CDH13: variants seen among roughly 807,000 people sequenced by gnomAD.
The protein encoded by CDH13 is cadherin-13.
In CDH13, 24 loss-of-function variants were observed where a neutral mutation model predicts 63.8. The observed-to-expected ratio is 0.38, with a 90% CI of 0.27 to 0.53. The LOEUF is 0.53. CDH13 is among the 20% of genes least tolerant of loss of function. CDH13 has a pLI of 0.85. For missense variants in CDH13, 1,049 were observed against 903.1 expected (o/e 1.16, Z -2.07); for synonymous variants, 503 against 355.3 (o/e 1.42, Z -4.67).
chr16:83,398,682 A>G (rs2091923726), intron 6 of CDH13, among the ~76,000 whole-genome samples: 1 of 152,188 alleles, frequency 6.6e-6, no homozygotes, highest in African/African-American at 2.4e-5. Flanking sequence ...TAACATGTTC[A>G]CAGTTGATGC....
chr16:82,693,188 C>T lies in CDH13; in HGVS notation c.45+66051C>T, dbSNP rs570950703. ...AGATGAGACCCCAGACCTGGATGATCCTTTGAAGCCTTTTGAAGCACCTTG... is the reference window on the plus strand; with the variant it reads ...AGATGAGACCCCAGACCTGGATGATTCTTTGAAGCCTTTTGAAGCACCTTG... On this transcript the variant is annotated intron_variant, in intron 1 of 13. Transcript: ENST00000567109. 5.9e-5 allele frequency among the ~76,000 whole-genome samples: 9 copies of T among 152,238 alleles called. No individual in the cohort carries two copies. The East Asian group carries it at 1.7e-3, about 29-fold the overall frequency.
chr16:82,954,279 A>G (rs988550191), intron 2 of CDH13: 1 of 152,104 alleles, frequency 6.6e-6, no homozygotes, highest in Non-Finnish European at 1.5e-5. Flanking sequence ...CTTTCAGGGA[A>G]GTCGACTTCC....
At chr16:83,177,389 G>T (rs1264457091) in intron 4 of CDH13, among the ~76,000 whole-genome samples, 2 of 152,166 alleles carry the variant, frequency 1.3e-5, no homozygotes, top group East Asian at 3.8e-4. Context: ...GCACAAAGGG[G>T]ACCCTCAATG....
In CDH13 at chr16:82,867,203, A is replaced by T. The variant is rs1048218911; in HGVS notation, c.157+8730A>T. 7.2e-5 allele frequency among the ~76,000 whole-genome samples: 11 copies of T among 152,266 alleles called. No individual in the cohort carries two copies. The East Asian group carries it at 2.1e-3, about 29-fold the overall frequency. On this transcript the variant is annotated intron_variant, in intron 2 of 13. Coordinates refer to ENST00000567109, the MANE Select transcript of CDH13 (RefSeq NM_001257.5). ...TGAACCTGAGATCATACTGCTTATA[A>T]TTGGTGGTGTCAAAATTTGAACCCA...
intron 11 of CDH13, among the ~76,000 whole-genome samples, chr16:83,767,604 C>T (rs1914482462): frequency 6.6e-6 from 1 of 152,168 alleles, no homozygotes; most frequent in Non-Finnish European, 1.5e-5. Context: ...ACTCCAATGT[C>T]CATCAGCTGG....
intron 2 of CDH13, among the ~76,000 whole-genome samples, chr16:83,010,982 C>G (rs531523698): frequency 9.9e-5 from 15 of 152,172 alleles, no homozygotes; most frequent in Non-Finnish European, 1.8e-4. Context: ...ACTTCTAATG[C>G]GTAGAACATG....
At chr16:83,643,881 T>C (rs1431765866) in intron 8 of CDH13, among the ~76,000 whole-genome samples, 2 of 152,240 alleles carry the variant, frequency 1.3e-5, no homozygotes, top group East Asian at 3.8e-4. Context: ...TACAGCCACC[T>C]ACCCACGCTT....
intron 3 of CDH13, among the ~76,000 whole-genome samples, chr16:83,043,671 C>T (rs1324649089): frequency 3.3e-5 from 5 of 152,060 alleles, no homozygotes; most frequent in Non-Finnish European, 7.4e-5. Flanking sequence ...CCAGCCTGGC[C>T]AGGATGGTGA....
intron 1 of CDH13, among the ~76,000 whole-genome samples, chr16:82,715,814 C>G (rs1313707213): frequency 3.9e-5 from 6 of 152,210 alleles, no homozygotes; most frequent in Non-Finnish European, 8.8e-5. Flanking sequence ...AGTCTCACCT[C>G]ATTCCTACCT....
rs775320530 is a variant in CDH13, at chr16:83,780,081, C to T, written c.1795C>T (p.Leu599Phe). The part of the protein sequence containing the change: ...VAEVCDDAKN[L>F]SVVILGASDK... ...TGAAGTCTGTGATGATGCCAAAAAC[C>T]TCAGTGTAGTCATTTTGGGAGCATC... is the stretch of plus-strand genomic sequence containing the variant. Residue 599 changes from leucine (L) to phenylalanine (F), a missense_variant, in exon 12 of 14, where the codon CTC (leucine) becomes TTC (phenylalanine). Transcript: ENST00000567109. 2 of 1,613,846 alleles carry T rather than the reference C, an allele frequency of 1.2e-6. No individual in the cohort carries two copies. Among genetic ancestry groups the T allele is most frequent in the Non-Finnish European group, 1.7e-6 (2 of 1,179,798 alleles).
intron 10 of CDH13, among the ~76,000 whole-genome samples, chr16:83,728,182 CT>C (rs1910636984): frequency 6.6e-6 from 1 of 152,144 alleles, no homozygotes; most frequent in Admixed American, 6.5e-5. Flanking sequence ...GTCTCAGAGT[CT>C]ATCCTCGACC....
At chr16:83,760,127 C>T (rs554500019) in intron 11 of CDH13, among the ~76,000 whole-genome samples, 535 of 151,904 alleles carry the variant, frequency 3.5e-3, no homozygotes, top group Non-Finnish European at 6.2e-3. Flanking sequence ...TAAATTAAAA[C>T]ACAAATTAAT....
chr16:83,546,250 T>C (rs2075384180), intron 7 of CDH13, among the ~76,000 whole-genome samples: 2 of 152,284 alleles, frequency 1.3e-5, no homozygotes, highest in South Asian at 4.1e-4. Flanking sequence ...TCAGAGGCTC[T>C]GAACTCCTGG....
At chr16:83,283,972 A>G (rs1477220188) in intron 5 of CDH13, among the ~76,000 whole-genome samples, 1 of 152,204 alleles carries the variant, frequency 6.6e-6, no homozygotes, top group African/African-American at 2.4e-5. Context: ...GAATAAATAA[A>G]TGAATGTAAG....
intron 4 of CDH13, among the ~76,000 whole-genome samples, chr16:83,188,764 G>C (rs1180829451): frequency 6.6e-6 from 1 of 152,206 alleles, no homozygotes; most frequent in African/African-American, 2.4e-5. Context: ...AAATTGAGGT[G>C]GTTAGGATTA....
chr16:83,186,274 G>A (rs961894047), intron 4 of CDH13, among the ~76,000 whole-genome samples: 1 of 152,078 alleles, frequency 6.6e-6, no homozygotes, highest in South Asian at 2.1e-4. Flanking sequence ...GAGTAGCTGG[G>A]ACTACGGGCA....
At chr16:83,457,167 C>G (rs893903966) in intron 6 of CDH13, among the ~76,000 whole-genome samples, 4 of 152,146 alleles carry the variant, frequency 2.6e-5, no homozygotes, top group Non-Finnish European at 4.4e-5. Context: ...TTGGCGAGCT[C>G]CGCAGTTCCT....
chr16:83,336,796 C>A (rs940993421), intron 5 of CDH13, among the ~76,000 whole-genome samples: 1 of 152,192 alleles, frequency 6.6e-6, no homozygotes, highest in African/African-American at 2.4e-5. Flanking sequence ...TGCTTTGTTT[C>A]TGATTCTGTT....
rs185762964 is a variant in CDH13 at position 82,693,165 on chromosome 16, A to G, written c.45+66028A>G. 4.2e-4 allele frequency among the ~76,000 whole-genome samples: 64 copies of G among 152,294 alleles called. 1 individual carries two copies. The highest frequency in any genetic ancestry group is 1.4e-3 in the African/African-American group (59 of 41,564). ...CAGTTATCATGCCATGGACTTTGAG[A>G]TGAGACCCCAGACCTGGATGATCCT... On this transcript the variant is annotated intron_variant, in intron 1 of 13. Transcript: ENST00000567109.
Sources: gnomAD v4.1 joint callset for allele counts (sites outside exome capture counted in the v4.1 genomes callset) on GRCh38, gnomAD v4.1.1 for gene constraint, MANE v1.5 for transcripts, NCBI Gene and HGNC (gene_info 2026-07-23, HGNC 2026-07-21) for gene names.